RBFOX3: variants seen among roughly 807,000 people sequenced by gnomAD.
RBFOX3 encodes RNA binding protein fox-1 homolog 3.
A neutral mutation model predicts 48.7 loss-of-function variants in RBFOX3; 17 were observed. The observed-to-expected ratio is 0.35, with a 90% CI of 0.24 to 0.52. RBFOX3 has a LOEUF of 0.52. Ranked by LOEUF, RBFOX3 falls within the 20% of genes least tolerant of loss-of-function variation. The pLI is 0.94. For missense variants in RBFOX3, 382 were observed against 497.5 expected (o/e 0.77, Z 2.21); for synonymous variants, 212 against 209.5 (o/e 1.01, Z -0.10).
chr17:79,261,785 CTT>C, intron 3 of RBFOX3, among the ~76,000 whole-genome samples: 1 of 152,198 alleles, frequency 6.6e-6, no homozygotes, highest in Non-Finnish European at 1.5e-5. Flanking sequence ...ACACCCCACG[CTT>C]CCCCTGTTCA....
chr17:79,569,634 A>T (rs2092592934), intron 1 of RBFOX3, among the ~76,000 whole-genome samples: 1 of 152,350 alleles, frequency 6.6e-6, no homozygotes, highest in South Asian at 2.1e-4. Context: ...CCTGCAGATT[A>T]AATAAATGCT....
intron 3 of RBFOX3, among the ~76,000 whole-genome samples, chr17:79,303,713 A>T (rs1377382510): frequency 6.6e-6 from 1 of 152,166 alleles, no homozygotes; most frequent in Admixed American, 6.5e-5. Flanking sequence ...GATGTGATTA[A>T]TAATGAATTA....
rs929126903 is a variant in RBFOX3, at chr17:79,391,993, G to C, written c.-174-84169C>G. The stretch of plus-strand genomic sequence containing the variant: ...AGGAAACTTGTATGGCAACGCTCCC[G>C]CCAGGGCCCCGCGATGGTCAGGCTT... On this transcript the variant is annotated intron_variant, in intron 2 of 14. Coordinates refer to ENST00000693108, the MANE Select transcript of RBFOX3 (RefSeq NM_001350451.2). The surrounding 1 kb of genome is among the most constrained non-coding windows in gnomAD (Gnocchi z 5.0). 6.6e-6 allele frequency among the ~76,000 whole-genome samples: 1 copy of C among 152,158 alleles called. No homozygotes were observed. The highest frequency in any genetic ancestry group is 1.5e-5 in the Non-Finnish European group (1 of 68,034).
the RBFOX3 span, among the ~76,000 whole-genome samples, chr17:79,620,570 C>G: frequency 1.8e-5 from 2 of 109,950 alleles, no homozygotes; most frequent in African/African-American, 3.2e-5. Flanking sequence ...CACACCCGCG[C>G]GTGCACACAC....
chr17:79,431,989 G>A (rs540092229), intron 2 of RBFOX3, among the ~76,000 whole-genome samples: 4 of 152,186 alleles, frequency 2.6e-5, no homozygotes, highest in African/African-American at 9.7e-5. Context: ...AAACACCGAC[G>A]TAATTTCTGT....
chr17:79,428,262 G>A (rs1555726623), intron 2 of RBFOX3, among the ~76,000 whole-genome samples: 1 of 152,226 alleles, frequency 6.6e-6, no homozygotes, highest in Non-Finnish European at 1.5e-5. Context: ...TTTCCCCGGA[G>A]CCCCTGCAGT....
chr17:79,249,108 A>G lies in RBFOX3; in HGVS notation c.-73-13303T>C, dbSNP rs1179308975. Among the ~76,000 whole-genome samples the G allele has an allele frequency of 2.0e-5, 3 of 152,108 alleles. No individual in the cohort carries two copies. Among genetic ancestry groups the G allele is most frequent in the Non-Finnish European group, 2.9e-5 (2 of 68,008 alleles). ...GCCACCTCGCTTCCTGCAGCTGACAAAGGACTCCTGAGGCCACTAACCCTT... is the reference window on the plus strand; with the variant it reads ...GCCACCTCGCTTCCTGCAGCTGACAGAGGACTCCTGAGGCCACTAACCCTT... On this transcript the variant is annotated intron_variant, in intron 3 of 14. Coordinates refer to ENST00000693108, the MANE Select transcript of RBFOX3 (RefSeq NM_001350451.2). This position sits in a 1 kb window ranked among gnomAD's most constrained non-coding sequence, Gnocchi z 4.1.
chr17:79,151,283 G>C (rs1481703653), intron 4 of RBFOX3, among the ~76,000 whole-genome samples: 3 of 150,360 alleles, frequency 2.0e-5, no homozygotes, highest in African/African-American at 7.4e-5. Context: ...TCCAGTGCCG[G>C]GGCTGAAGGG....
intron 2 of RBFOX3, among the ~76,000 whole-genome samples, chr17:79,343,597 C>A (rs1380570246): frequency 6.6e-6 from 1 of 152,160 alleles, no homozygotes; most frequent in African/African-American, 2.4e-5. Flanking sequence ...TGAGCAACAC[C>A]ACCACCAGAC....
At chr17:79,375,358 GACAC>G (rs534923135) in intron 2 of RBFOX3, among the ~76,000 whole-genome samples, 3,560 of 136,240 alleles carry the variant, frequency 0.026, 111 homozygotes, top group African/African-American at 0.076. Flanking sequence ...GAAGACAGAA[GACAC>G]ACACACACAC....
At chr17:79,137,989 C>T (rs1275134267) in intron 4 of RBFOX3, among the ~76,000 whole-genome samples, 2 of 152,186 alleles carry the variant, frequency 1.3e-5, no homozygotes, top group Non-Finnish European at 2.9e-5. Context: ...CACATGTGTG[C>T]TTGCACAGGC....
At position 79,482,713 on chromosome 17, in the gene RBFOX3, C is replaced by G. The variant is rs1248137443; in HGVS notation, c.-319-115G>C. On this transcript the variant is annotated intron_variant, in intron 1 of 14. Coordinates refer to ENST00000693108, the MANE Select transcript of RBFOX3 (RefSeq NM_001350451.2). The surrounding 1 kb of genome is among the most constrained non-coding windows in gnomAD (Gnocchi z 4.1). ...AGGGAGGGGGCAGCTTCAAAGCCAACTGTTTGCCACCAGGGATCGAGGGAT... is the reference window on the plus strand; with the variant it reads ...AGGGAGGGGGCAGCTTCAAAGCCAAGTGTTTGCCACCAGGGATCGAGGGAT... The G allele has an allele frequency of 6.6e-6, 1 of 152,208 alleles. No individual in the cohort carries two copies. The highest frequency in any genetic ancestry group is 2.4e-5 in the African/African-American group (1 of 41,426). The allele number at this position is 152,208 out of a possible 1,614,324, so 9.4% of individuals were successfully genotyped here.
chr17:79,523,004 AT>A (rs1292567787), intron 1 of RBFOX3, among the ~76,000 whole-genome samples: 2 of 151,522 alleles, frequency 1.3e-5, no homozygotes, highest in Non-Finnish European at 2.9e-5. Context: ...CTTTGGGGAC[AT>A]TATGCTGAGT....
the RBFOX3 span, among the ~76,000 whole-genome samples, chr17:79,652,700 G>C: frequency 6.9e-6 from 1 of 145,460 alleles, no homozygotes; most frequent in African/African-American, 2.5e-5. Flanking sequence ...GTCGGTTTTT[G>C]TTTGTTTTAA....
intron 2 of RBFOX3, among the ~76,000 whole-genome samples, chr17:79,353,378 G>A (rs1019437378): frequency 2.2e-4 from 33 of 152,144 alleles, no homozygotes; most frequent in African/African-American, 8.0e-4. Context: ...GTGAGTGGGA[G>A]CACACTTGCA....
rs2077363645 is a variant in RBFOX3 at position 79,473,910 on chromosome 17, C to T, written c.-175+8544G>A. On this transcript the variant is annotated intron_variant, in intron 2 of 14. Transcript: ENST00000693108. This position sits in a 1 kb window ranked among gnomAD's most constrained non-coding sequence, Gnocchi z 4.2. ...TCTACTTCTAAATTAATTTTCCTTC[C>T]TCAGGCATTTGCTGACGCTCCTTTT... Among the ~76,000 whole-genome samples, 2 of 152,182 alleles carry T rather than the reference C, an allele frequency of 1.3e-5. No homozygotes were observed. Among genetic ancestry groups the T allele is most frequent in the African/African-American group, 4.8e-5 (2 of 41,454 alleles).
chr17:79,540,333 C>T (rs367878585), intron 1 of RBFOX3, among the ~76,000 whole-genome samples: 2 of 152,248 alleles, frequency 1.3e-5, no homozygotes, highest in East Asian at 1.9e-4. Context: ...TGTGTTCCAG[C>T]CTGACAGTGC....
At chr17:79,279,044 C>T (rs1015746580) in intron 3 of RBFOX3, among the ~76,000 whole-genome samples, 2 of 152,108 alleles carry the variant, frequency 1.3e-5, no homozygotes, top group African/African-American at 2.4e-5. Context: ...AATTGAGGGT[C>T]AGAGAGCTTC....
At chr17:79,493,855 TCA>T (rs2081053333) in intron 1 of RBFOX3, among the ~76,000 whole-genome samples, 1 of 152,100 alleles carries the variant, frequency 6.6e-6, no homozygotes, top group Admixed American at 6.5e-5. Flanking sequence ...CCTCCCCAAG[TCA>T]CACACCCGCC....
Sources: allele counts gnomAD v4.1 joint callset (sites outside exome capture counted in the v4.1 genomes callset), GRCh38; gene constraint gnomAD v4.1.1; non-coding constraint Gnocchi (gnomAD v3.1); transcripts MANE v1.5; gene names NCBI Gene and HGNC (gene_info 2026-07-23, HGNC 2026-07-21).